The following SLC13A1 variants were observed in gnomAD, a reference collection of about 807,000 sequenced individuals.
SLC13A1 encodes the protein Na(+)/sulfate cotransporter.
SLC13A1 carries 65 observed loss-of-function variants against 70.0 expected under a neutral mutation model. The observed-to-expected ratio is 0.93, with a 90% CI of 0.76 to 1.14. The LOEUF (loss-of-function observed/expected upper bound fraction) is 1.14, where lower values mean the gene tolerates loss of function less well. Among genes scored for constraint, SLC13A1 ranks in the 50% most tolerant of loss-of-function variants. The pLI, the probability that SLC13A1 is intolerant of heterozygous loss-of-function variation, is 0.00. For missense variants in SLC13A1, 726 were observed against 717.8 expected (o/e 1.01, Z -0.13); for synonymous variants, 275 against 250.5 (o/e 1.10, Z -0.92).
chr7:123,138,793 T>C (rs1794037647), intron 7 of SLC13A1, among the ~76,000 whole-genome samples: 1 of 152,164 alleles, frequency 6.6e-6, no homozygotes, highest in African/African-American at 2.4e-5. Flanking sequence ...TTGTTTAAGC[T>C]CCTTATATAT....
chr7:123,156,349 C>G (rs1170348378), intron 6 of SLC13A1, among the ~76,000 whole-genome samples: 1 of 152,028 alleles, frequency 6.6e-6, no homozygotes, highest in Non-Finnish European at 1.5e-5. Flanking sequence ...AACCTGCCAT[C>G]TTAATGGAAG....
At chr7:123,161,135 A>T (rs2116497420) in intron 6 of SLC13A1, among the ~76,000 whole-genome samples, 1 of 151,796 alleles carries the variant, frequency 6.6e-6, no homozygotes, top group Non-Finnish European at 1.5e-5. Context: ...AAGACTTGTA[A>T]GACTAATAAA....
chr7:123,161,912 A>G (rs1056786460), intron 6 of SLC13A1, among the ~76,000 whole-genome samples: 5 of 152,090 alleles, frequency 3.3e-5, no homozygotes, highest in African/African-American at 1.2e-4. Context: ...TGTGGTATAC[A>G]TTATCTTATT....
intron 1 of SLC13A1, among the ~76,000 whole-genome samples, chr7:123,192,616 T>A (rs1336181507): frequency 6.6e-6 from 1 of 152,104 alleles, no homozygotes; most frequent in Non-Finnish European, 1.5e-5. Flanking sequence ...ATCACAGACC[T>A]CAATCACTAC....
intron 6 of SLC13A1, among the ~76,000 whole-genome samples, chr7:123,166,562 A>C (rs939552445): frequency 6.6e-6 from 1 of 152,024 alleles, no homozygotes; most frequent in Non-Finnish European, 1.5e-5. Flanking sequence ...ACCACACAAC[A>C]GGCCCCAGTG....
At chr7:123,142,333 G>T (rs1794183025) in intron 7 of SLC13A1, among the ~76,000 whole-genome samples, 1 of 152,062 alleles carries the variant, frequency 6.6e-6, no homozygotes, top group South Asian at 2.1e-4. Context: ...CACCTTTCAG[G>T]GCAGAGGACT....
intron 6 of SLC13A1, among the ~76,000 whole-genome samples, chr7:123,160,762 T>A (rs1794868186): frequency 6.6e-6 from 1 of 152,178 alleles, no homozygotes; most frequent in East Asian, 1.9e-4. Context: ...GCAGAAAAAT[T>A]GTTAGAAAAA....
intron 13 of SLC13A1, 24 bp downstream of exon 13, chr7:123,119,057 A>G (rs1242376131): frequency 6.2e-7 from 1 of 1,602,000 alleles, no homozygotes; most frequent in Non-Finnish European, 8.5e-7. Context: ...TGAAGAGTAA[A>G]AAGGGGATAA....
Position 123,189,132 on chromosome 7 carries a change from AG to A in SLC13A1, c.100-8032del, listed in dbSNP as rs71529455. On this transcript the variant is annotated intron_variant, in intron 1 of 14. Coordinates refer to ENST00000194130, the MANE Select transcript of SLC13A1 (RefSeq NM_022444.4). ...TCCGTCTCAAAAAAAAAAAAAAAAA[AG>A]AAAGAAAATCTTTCTACATTATATA... Among the ~76,000 whole-genome samples, 17 of 149,736 alleles carry A rather than the reference AG, an allele frequency of 1.1e-4. 2 individuals carry two copies. Among genetic ancestry groups the A allele is most frequent in the African/African-American group, 2.2e-4 (9 of 40,930 alleles).
At chr7:123,155,220 ACTCTT>A (rs1446572353) in intron 6 of SLC13A1, among the ~76,000 whole-genome samples, 2 of 149,662 alleles carry the variant, frequency 1.3e-5, no homozygotes, top group African/African-American at 4.9e-5. Context: ...TTTTTAATAT[ACTCTT>A]CTCTTTTTTC....
intron 10 of SLC13A1, 143 bp from the exon 11 acceptor site, chr7:123,125,818 T>TA: frequency 1.6e-6 from 1 of 624,480 alleles, no homozygotes; most frequent in Non-Finnish European, 2.8e-6. Context: ...TAATCTGCCC[T>TA]AAAATATATG....
chr7:123,151,178 A>AT (rs1794542126), intron 6 of SLC13A1, among the ~76,000 whole-genome samples: 1 of 151,634 alleles, frequency 6.6e-6, no homozygotes, highest in Admixed American at 6.6e-5. Context: ...ACAAAAATTA[A>AT]CCATGCTTGG....
rs1793220623 is a variant in SLC13A1, at chr7:123,117,513, A to T, written c.1608T>A (p.Asn536Lys). 1 of 1,613,530 alleles carries T rather than the reference A, an allele frequency of 6.2e-7. No individual in the cohort carries two copies. Among genetic ancestry groups the T allele is most frequent in the South Asian group, 1.1e-5 (1 of 91,064 alleles). Reference protein sequence around the residue: ...AFLLPVANPPNAIVFSYGHLK... With the variant: ...AFLLPVANPPKAIVFSYGHLK... Reference sequence around the variant, plus strand: ...GATGACCATATGAAAAGACAATAGCATTGGGTGGATTTGCTACTGGTAGGA... The same window carrying T: ...GATGACCATATGAAAAGACAATAGCTTTGGGTGGATTTGCTACTGGTAGGA... Residue 536 changes from asparagine to lysine, a missense_variant, in exon 14 of 15, where the codon AAT becomes AAA. Transcript: ENST00000194130.
intron 6 of SLC13A1, among the ~76,000 whole-genome samples, chr7:123,154,643 AAT>A (rs1452023261): frequency 6.6e-6 from 1 of 152,060 alleles, no homozygotes; most frequent in Non-Finnish European, 1.5e-5. Context: ...TGTAAGTTAG[AAT>A]ATGTCTTTTC....
intron 6 of SLC13A1, among the ~76,000 whole-genome samples, chr7:123,166,530 G>A (rs754327028): frequency 8.6e-5 from 13 of 152,008 alleles, no homozygotes; most frequent in South Asian, 2.1e-4. Context: ...ATCTCCTAAT[G>A]CTATCCGTCC....
At chr7:123,141,172 G>T (rs1040616313) in intron 7 of SLC13A1, among the ~76,000 whole-genome samples, 3 of 151,878 alleles carry the variant, frequency 2.0e-5, no homozygotes, top group African/African-American at 4.8e-5. Flanking sequence ...TTGACCCAGT[G>T]GTCATTCAGG....
At position 123,181,606 on chromosome 7, in the gene SLC13A1, G is replaced by A. The variant is rs370757445; in HGVS notation, c.100-505C>T. Among the ~76,000 whole-genome samples, 27 of 152,184 alleles carry A rather than the reference G, an allele frequency of 1.8e-4. No homozygotes were observed. The East Asian group carries it at 4.3e-3, about 24-fold the overall frequency. Reference sequence around the variant, plus strand: ...AACCAACCTAGGAGAAACCTTTGCCGTACTGTGTCTCAGAGAAAAGACATG... The same window carrying A: ...AACCAACCTAGGAGAAACCTTTGCCATACTGTGTCTCAGAGAAAAGACATG... On this transcript the variant is annotated intron_variant, in intron 1 of 14. Transcript: ENST00000194130.
At chr7:123,152,484 G>C (rs994422243) in intron 6 of SLC13A1, among the ~76,000 whole-genome samples, 1 of 151,892 alleles carries the variant, frequency 6.6e-6, no homozygotes, top group African/African-American at 2.4e-5. Flanking sequence ...TTGTACAAGG[G>C]TTCTCCCTTC....
chr7:123,132,778 A>G (rs1318431422), intron 8 of SLC13A1, among the ~76,000 whole-genome samples: 1 of 152,184 alleles, frequency 6.6e-6, no homozygotes, highest in Non-Finnish European at 1.5e-5. Context: ...TTTTTCAGGA[A>G]AAAAAATACT....
Sources: allele counts gnomAD v4.1 joint callset (sites outside exome capture counted in the v4.1 genomes callset), GRCh38; gene constraint gnomAD v4.1.1; transcripts MANE v1.5; gene names NCBI Gene and HGNC (gene_info 2026-07-23, HGNC 2026-07-21).